The following IGSF3 variants were observed in gnomAD, a reference collection of about 807,000 sequenced individuals.
The protein encoded by IGSF3 is immunoglobulin superfamily member 3, also known as glu-Trp-Ile EWI motif-containing protein 3.
IGSF3 carries 23 observed loss-of-function variants against 114.4 expected under a neutral mutation model. The ratio of observed to expected loss-of-function variants is 0.20; its 90% CI spans 0.14 to 0.28. The LOEUF is 0.28. IGSF3 is among the 10% of genes least tolerant of loss of function. IGSF3 has a pLI of 1.00. For synonymous variants in IGSF3, 571 were observed against 645.2 expected, an observed-to-expected ratio of 0.88 and a Z score of 1.74; for missense variants, 1,172 against 1,591.5, an observed-to-expected ratio of 0.74 and a Z score of 4.48.
At position 116,592,263 on chromosome 1, in the gene IGSF3, G is replaced by T. The variant is rs1354881920; in HGVS notation, c.2030-3159C>A. ...CCGTGTGAGTGAATGGGCTTTGAGA[G>T]GCCATAAATGCAGACGTGAAAGAAA... On this transcript the variant is annotated intron_variant, in intron 7 of 10. Coordinates refer to ENST00000369486, the MANE Select transcript of IGSF3 (RefSeq NM_001007237.3). This position sits in a 1 kb window ranked among gnomAD's most constrained non-coding sequence, Gnocchi z 4.5. 2.6e-5 allele frequency among the ~76,000 whole-genome samples: 4 copies of T among 152,328 alleles called. No homozygotes were observed. In the East Asian group the frequency reaches 5.8e-4, roughly 22 times the overall value.
Position 116,579,971 on chromosome 1 carries a change from C to T in IGSF3, c.2849-94G>A. 1 of 1,084,856 alleles carries T rather than the reference C, an allele frequency of 9.2e-7. No homozygotes were observed. The highest frequency in any genetic ancestry group is 1.3e-6 in the Non-Finnish European group (1 of 772,316). The allele number at this position is 1,084,856 out of a possible 1,614,324, so 67.2% of individuals were successfully genotyped here. ...TCCATCATTAAACACATGATAGTAA[C>T]ATCCATACTATAAGATATTATGCAC... is the stretch of plus-strand genomic sequence containing the variant. On this transcript the variant is annotated intron_variant, in intron 9 of 10. Transcript: ENST00000369486. This position sits in a 1 kb window ranked among gnomAD's most constrained non-coding sequence, Gnocchi z 6.4.
At position 116,607,968 on chromosome 1, in the gene IGSF3, T is replaced by C. The variant is rs1305084795; in HGVS notation, c.1196A>G (p.Asn399Ser). 1.2e-6 allele frequency: 2 copies of C among 1,613,942 alleles called. No individual in the cohort carries two copies. Among genetic ancestry groups the C allele is most frequent in the Non-Finnish European group, 1.7e-6 (2 of 1,179,838 alleles). ...FIDKESKRPK[N>S]IPIIVLPLKS... Reference sequence around the variant, plus strand: ...GAGGGGGAGGACTATGATGGGGATGTTCTTGGGACGCTTGCTCTCCTTATC... The same window carrying C: ...GAGGGGGAGGACTATGATGGGGATGCTCTTGGGACGCTTGCTCTCCTTATC... The change falls in exon 5 of 11, where the codon AAC becomes AGC. Residue 399 changes from asparagine (N) to serine (S), a missense_variant. By Grantham distance (46) the Asn-to-Ser change is conservative. Around this residue, in one of 3 missense-constraint regions of IGSF3, gnomAD observed 736 missense variants for 1,042.0 expected, o/e 0.71. Transcript: ENST00000369486. The surrounding 1 kb of genome is among the most constrained non-coding windows in gnomAD (Gnocchi z 6.1).
chr1:116,642,767 A>G lies in IGSF3; in HGVS notation c.43+23517T>C, dbSNP rs1005153653. 2.0e-5 allele frequency among the ~76,000 whole-genome samples: 3 copies of G among 152,188 alleles called. No homozygotes were observed. Among genetic ancestry groups the G allele is most frequent in the Admixed American group, 2.0e-4 (3 of 15,290 alleles). ...GGGATGCGCTGTAGTATCATCAATC[A>G]CCGCTGCTGCTCGCTGGGACTTGGA... On this transcript the variant is annotated intron_variant, in intron 2 of 10. Coordinates refer to ENST00000369486, the MANE Select transcript of IGSF3 (RefSeq NM_001007237.3). This position sits in a 1 kb window ranked among gnomAD's most constrained non-coding sequence, Gnocchi z 5.4.
chr1:116,650,791 AG>A lies in IGSF3; in HGVS notation c.43+15492del, dbSNP rs1411176441. Among the ~76,000 whole-genome samples, 1 of 152,236 alleles carries A rather than the reference AG, an allele frequency of 6.6e-6. No individual in the cohort carries two copies. Among genetic ancestry groups the A allele is most frequent in the African/African-American group, 2.4e-5 (1 of 41,460 alleles). Reference sequence around the variant, plus strand: ...GTGAGAAAAGAGTGTGCATTATAATAGGGTGCTACAATTGGACATGTGTGCA... The same window carrying A: ...GTGAGAAAAGAGTGTGCATTATAATAGGTGCTACAATTGGACATGTGTGCA... On this transcript the variant is annotated intron_variant, in intron 2 of 10. Transcript: ENST00000369486. This position sits in a 1 kb window ranked among gnomAD's most constrained non-coding sequence, Gnocchi z 5.0.
rs973241489 is a variant in IGSF3 at position 116,664,120 on chromosome 1, G to A, written c.43+2164C>T. Among the ~76,000 whole-genome samples, 25 of 152,210 alleles carry A rather than the reference G, an allele frequency of 1.6e-4. No homozygotes were observed. Among genetic ancestry groups the A allele is most frequent in the Non-Finnish European group, 3.7e-4 (25 of 68,028 alleles). On this transcript the variant is annotated intron_variant, in intron 2 of 10. Transcript: ENST00000369486. The surrounding 1 kb of genome is among the most constrained non-coding windows in gnomAD (Gnocchi z 4.6). ...GCCATACTGAGAGCCATCAGGTGAAGAGAAAGATGAGGTTCCACCAGTGGG... is the reference window on the plus strand; with the variant it reads ...GCCATACTGAGAGCCATCAGGTGAAAAGAAAGATGAGGTTCCACCAGTGGG...
In IGSF3 at chr1:116,588,640, G is replaced by A. The variant is rs1659955128; in HGVS notation, c.2440+54C>T. 2 of 1,419,104 alleles carry A rather than the reference G, an allele frequency of 1.4e-6. No individual in the cohort carries two copies. The highest frequency in any genetic ancestry group is 1.4e-5 in the South Asian group (1 of 73,084). The allele number at this position is 1,419,104 out of a possible 1,614,324, so 87.9% of individuals were successfully genotyped here. A position where few individuals can be genotyped will look rare whatever the true frequency, so the allele number is the denominator to read the frequency against. On this transcript the variant is annotated intron_variant, in intron 8 of 10. Coordinates refer to ENST00000369486, the MANE Select transcript of IGSF3 (RefSeq NM_001007237.3). The surrounding 1 kb of genome is among the most constrained non-coding windows in gnomAD (Gnocchi z 4.9). ...CCCACAGATCCCCACCCACCCCCAGGCAGTCTCTGCACTAAACCCACTGGC... is the reference window on the plus strand; with the variant it reads ...CCCACAGATCCCCACCCACCCCCAGACAGTCTCTGCACTAAACCCACTGGC...
At position 116,585,969 on chromosome 1, in the gene IGSF3, T is replaced by A. The variant is rs535967610; in HGVS notation, c.2441-917A>T. 6.6e-6 allele frequency among the ~76,000 whole-genome samples: 1 copy of A among 151,966 alleles called. No homozygotes were observed. The highest frequency in any genetic ancestry group is 1.5e-5 in the Non-Finnish European group (1 of 67,980). On this transcript the variant is annotated intron_variant, in intron 8 of 10. Coordinates refer to ENST00000369486, the MANE Select transcript of IGSF3 (RefSeq NM_001007237.3). The surrounding 1 kb of genome is among the most constrained non-coding windows in gnomAD (Gnocchi z 4.9). The stretch of plus-strand genomic sequence containing the variant: ...GCTTTGAAAACTCAGCCAAGCAGAG[T>A]CTCCTCCAGTAGAAAAATGTCTTTA...
chr1:116,638,185 A>G lies in IGSF3; in HGVS notation c.44-21728T>C, dbSNP rs1440699076. On this transcript the variant is annotated intron_variant, in intron 2 of 10. Coordinates refer to ENST00000369486, the MANE Select transcript of IGSF3 (RefSeq NM_001007237.3). This position sits in a 1 kb window ranked among gnomAD's most constrained non-coding sequence, Gnocchi z 4.1. ...CTAACTAGCTACAAATCTCAAAGCC[A>G]AAGATTGTAGCTCCCTCTCTTTTGT... Among the ~76,000 whole-genome samples the G allele has an allele frequency of 6.6e-6, 1 of 152,178 alleles. No homozygotes were observed. The highest frequency in any genetic ancestry group is 1.5e-5 in the Non-Finnish European group (1 of 68,034).
At position 116,584,772 on chromosome 1, in the gene IGSF3, G is replaced by C; in HGVS notation, c.2721C>G (p.Asn907Lys). The change falls in exon 9 of 11, where the codon AAC becomes AAG. Residue 907 changes from asparagine (N) to lysine (K), a missense_variant. Around this residue, in one of 3 missense-constraint regions of IGSF3, gnomAD observed 423 missense variants for 509.8 expected, o/e 0.83. Transcript: ENST00000369486. This position sits in a 1 kb window ranked among gnomAD's most constrained non-coding sequence, Gnocchi z 5.8. ...SPGVYRLFIQ[N>K]VAVQDSGTYS... is the part of the protein sequence containing the mutation. ...AGGTCCCGCTGTCCTGCACAGCCAC[G>C]TTCTGGATGAAGAGACGGTACACGC... 1 of 1,614,232 alleles carries C rather than the reference G, an allele frequency of 6.2e-7. No homozygotes were observed.
chr1:116,582,324 C>T lies in IGSF3; in HGVS notation c.2848+2321G>A, dbSNP rs956152083. Reference sequence around the variant, plus strand: ...TGCCGACCTCTGCCCCTGCTGTCTGCGTGACACTAACAGCTCCCCTGGATC... The same window carrying T: ...TGCCGACCTCTGCCCCTGCTGTCTGTGTGACACTAACAGCTCCCCTGGATC... On this transcript the variant is annotated intron_variant, in intron 9 of 10. Coordinates refer to ENST00000369486, the MANE Select transcript of IGSF3 (RefSeq NM_001007237.3). The surrounding 1 kb of genome is among the most constrained non-coding windows in gnomAD (Gnocchi z 4.7). Among the ~76,000 whole-genome samples the T allele has an allele frequency of 5.3e-5, 8 of 152,194 alleles. No homozygotes were observed. Among genetic ancestry groups the T allele is most frequent in the Admixed American group, 1.3e-4 (2 of 15,288 alleles).
chr1:116,603,562 A>T lies in IGSF3; in HGVS notation c.1624+62T>A, dbSNP rs1437089061. ...ACTCTGACTGAGAAAAGTCAGGATA[A>T]GGTGTTTGACACTGAAGCTGTCTCC... is the stretch of plus-strand genomic sequence containing the variant. On this transcript the variant is annotated intron_variant, in intron 6 of 10. Coordinates refer to ENST00000369486, the MANE Select transcript of IGSF3 (RefSeq NM_001007237.3). The surrounding 1 kb of genome is among the most constrained non-coding windows in gnomAD (Gnocchi z 7.1). 12 of 1,503,228 alleles carry T rather than the reference A, an allele frequency of 8.0e-6. No individual in the cohort carries two copies. The highest frequency in any genetic ancestry group is 5.3e-5 in the Admixed American group (3 of 56,906). The allele number at this position is 1,503,228 out of a possible 1,614,324, so 93.1% of individuals were successfully genotyped here.
In IGSF3 at chr1:116,654,517, G is replaced by A. The variant is rs1348875113; in HGVS notation, c.43+11767C>T. Reference sequence around the variant, plus strand: ...TACAGCAGCTTCTGGGAATTTGTAAGAGCCATACTGATGAGGGTCCCTCAC... The same window carrying A: ...TACAGCAGCTTCTGGGAATTTGTAAAAGCCATACTGATGAGGGTCCCTCAC... On this transcript the variant is annotated intron_variant, in intron 2 of 10. Transcript: ENST00000369486. The surrounding 1 kb of genome is among the most constrained non-coding windows in gnomAD (Gnocchi z 4.4). Among the ~76,000 whole-genome samples, 1 of 152,196 alleles carries A rather than the reference G, an allele frequency of 6.6e-6. No homozygotes were observed. Among genetic ancestry groups the A allele is most frequent in the African/African-American group, 2.4e-5 (1 of 41,466 alleles).
At position 116,640,506 on chromosome 1, in the gene IGSF3, T is replaced by G. The variant is rs566400632; in HGVS notation, c.44-24049A>C. On this transcript the variant is annotated intron_variant, in intron 2 of 10. Transcript: ENST00000369486. ...AGCCATAAACAATATACAGAGTTTT[T>G]GGATGCTTTAAAACTGTTTAAAATG... Among the ~76,000 whole-genome samples the G allele has an allele frequency of 1.7e-3, 258 of 152,374 alleles. 2 individuals carry two copies. The highest frequency in any genetic ancestry group is 3.0e-3 in the Non-Finnish European group (205 of 68,036).
rs979063703 is a variant in IGSF3 at position 116,616,945 on chromosome 1, G to C, written c.44-488C>G. 2.0e-5 allele frequency among the ~76,000 whole-genome samples: 3 copies of C among 152,064 alleles called. No homozygotes were observed. Among genetic ancestry groups the C allele is most frequent in the African/African-American group, 4.8e-5 (2 of 41,394 alleles). ...GAGTCCTGGGAGCACCTTTTTACTG[G>C]TGCTGCACCCTTCAATTTCCCATGT... is the stretch of plus-strand genomic sequence containing the variant. On this transcript the variant is annotated intron_variant, in intron 2 of 10. Transcript: ENST00000369486. The surrounding 1 kb of genome is among the most constrained non-coding windows in gnomAD (Gnocchi z 6.6).
Position 116,624,019 on chromosome 1 carries a change from G to A in IGSF3, c.44-7562C>T, listed in dbSNP as rs1317167579. 3.1e-4 allele frequency among the ~76,000 whole-genome samples: 46 copies of A among 148,212 alleles called. No homozygotes were observed. The highest frequency in any genetic ancestry group is 2.2e-3 in the Admixed American group (33 of 15,004). On this transcript the variant is annotated intron_variant, in intron 2 of 10. Transcript: ENST00000369486. This position sits in a 1 kb window ranked among gnomAD's most constrained non-coding sequence, Gnocchi z 4.9. ...GGAGAATCGCTTGAACCCAGCAGGT[G>A]GAGGTTGCAGTGAGCCGAGATCATG...
In IGSF3 at chr1:116,644,236, G is replaced by A. The variant is rs571873218; in HGVS notation, c.43+22048C>T. The stretch of plus-strand genomic sequence containing the variant: ...AGCAGAGCAGAACTGCAACCTGATA[G>A]CATCCCTGTCTGGTTTTGGCTCTTT... On this transcript the variant is annotated intron_variant, in intron 2 of 10. Coordinates refer to ENST00000369486, the MANE Select transcript of IGSF3 (RefSeq NM_001007237.3). The surrounding 1 kb of genome is among the most constrained non-coding windows in gnomAD (Gnocchi z 5.6). 3.9e-5 allele frequency among the ~76,000 whole-genome samples: 6 copies of A among 152,346 alleles called. No homozygotes were observed. The South Asian group carries it at 1.0e-3, about 26-fold the overall frequency.
chr1:116,580,012 AGGC>A, intron 9 of IGSF3, 135 bp from the exon 10 acceptor site: 2 of 822,164 alleles, frequency 2.4e-6, no homozygotes, highest in Non-Finnish European at 3.7e-6. Flanking sequence ...GAAAAGGCAT[AGGC>A]AGTGCTACAG....
Position 116,577,662 on chromosome 1 carries a change from G to A in IGSF3, c.3335-100C>T, listed in dbSNP as rs749054322. The A allele has an allele frequency of 1.6e-5, 18 of 1,094,194 alleles. No homozygotes were observed. Among genetic ancestry groups the A allele is most frequent in the East Asian group, 1.2e-4 (5 of 42,122 alleles). 67.8% of individuals were successfully genotyped at this position (1,094,194 alleles called of 1,614,324 possible). ...TCACCTGACCCAGTGGAAGCTCCTC[G>A]GTGACACTCCCACACCACCTTGTCT... On this transcript the variant is annotated intron_variant, in intron 10 of 10. Coordinates refer to ENST00000369486, the MANE Select transcript of IGSF3 (RefSeq NM_001007237.3). The surrounding 1 kb of genome is among the most constrained non-coding windows in gnomAD (Gnocchi z 5.7).
Position 116,628,742 on chromosome 1 carries a change from A to C in IGSF3, c.44-12285T>G, listed in dbSNP as rs1271979582. ...AATGGATGGCCGCTCCTTCCCCCTC[A>C]GCTTTGACTTTCATTGCTGGTGGCT... On this transcript the variant is annotated intron_variant, in intron 2 of 10. Transcript: ENST00000369486. The surrounding 1 kb of genome is among the most constrained non-coding windows in gnomAD (Gnocchi z 4.2). 2.6e-5 allele frequency among the ~76,000 whole-genome samples: 4 copies of C among 152,186 alleles called. No homozygotes were observed. The highest frequency in any genetic ancestry group is 2.0e-4 in the Admixed American group (3 of 15,278).
Sources: allele counts gnomAD v4.1 joint callset (sites outside exome capture counted in the v4.1 genomes callset), GRCh38; gene constraint gnomAD v4.1.1; regional missense constraint gnomAD v4.1.1; non-coding constraint Gnocchi (gnomAD v3.1); transcripts MANE v1.5; gene names NCBI Gene and HGNC (gene_info 2026-07-23, HGNC 2026-07-21).